ARNT: variants seen among roughly 807,000 people sequenced by gnomAD.
ARNT encodes class E basic helix-loop-helix protein 2.
In ARNT, 30 loss-of-function variants were observed where a neutral mutation model predicts 105.0. The ratio of observed to expected loss-of-function variants is 0.29; its 90% CI spans 0.21 to 0.39. ARNT has a LOEUF of 0.39. Ranked by LOEUF, ARNT falls within the 10% of genes least tolerant of loss-of-function variation. ARNT has a pLI of 1.00. For synonymous variants in ARNT, 304 were observed against 344.0 expected, an observed-to-expected ratio of 0.88 and a Z score of 1.29; for missense variants, 748 against 978.7, an observed-to-expected ratio of 0.76 and a Z score of 3.15.
rs966142714 is a variant in ARNT, at chr1:150,853,178, G to A, written c.138-372C>T. ...TGCCTGTAATCTCAGCTACTCAGGA[G>A]GCTGAGGCAGGAGAATTGCTGGAAC... is the stretch of plus-strand genomic sequence containing the variant. On this transcript the variant is annotated intron_variant, in intron 2 of 21. Coordinates refer to ENST00000358595, the MANE Select transcript of ARNT (RefSeq NM_001668.4). 3 of 309,998 alleles carry A rather than the reference G, an allele frequency of 9.7e-6. No individual in the cohort carries two copies. In the Admixed American group the frequency reaches 1.4e-4, roughly 14 times the overall value. The allele number at this position is 309,998 out of a possible 1,614,324, so 19.2% of individuals were successfully genotyped here. A position where few individuals can be genotyped will look rare whatever the true frequency, so the allele number is the denominator to read the frequency against.
intron 14 of ARNT, 27 bp from the exon 15 acceptor site, chr1:150,818,057 A>T: frequency 1.4e-6 from 2 of 1,447,092 alleles, no homozygotes; most frequent in Non-Finnish European, 1.9e-6. Context: ...GACAGTAAAG[A>T]GGGGGTGGAG....
intron 1 of ARNT, among the ~76,000 whole-genome samples, chr1:150,858,791 T>C (rs1010852341): frequency 4.0e-5 from 6 of 150,530 alleles, no homozygotes; most frequent in African/African-American, 1.5e-4. Context: ...CCAGTTAATT[T>C]TTTTTTTTTT....
chr1:150,851,272 C>T (rs587631427), intron 3 of ARNT, among the ~76,000 whole-genome samples: 1,790 of 149,932 alleles, frequency 0.012, 21 homozygotes, highest in Middle Eastern at 0.022. Context: ...GCCGCCCCGT[C>T]CGGGAGGTGG....
intron 3 of ARNT, among the ~76,000 whole-genome samples, chr1:150,847,215 G>A (rs1057449116): frequency 2.6e-5 from 4 of 152,064 alleles, no homozygotes; most frequent in Admixed American, 6.6e-5. Flanking sequence ...GGCGGATCAC[G>A]AAGTCAAGAG....
At chr1:150,824,245 A>G (rs1334471417) in intron 13 of ARNT, among the ~76,000 whole-genome samples, 7 of 151,652 alleles carry the variant, frequency 4.6e-5, no homozygotes, top group Middle Eastern at 3.2e-3. Context: ...ACCTAATACT[A>G]TTCTAGTCAA....
intron 13 of ARNT, among the ~76,000 whole-genome samples, chr1:150,825,808 A>G (rs987540364): frequency 6.6e-6 from 1 of 151,532 alleles, no homozygotes; most frequent in Non-Finnish European, 1.5e-5. Flanking sequence ...GAGATTGCAC[A>G]CTACACTCCA....
chr1:150,820,334 C>T (rs1656789730), intron 14 of ARNT, among the ~76,000 whole-genome samples: 1 of 152,182 alleles, frequency 6.6e-6, no homozygotes, highest in Non-Finnish European at 1.5e-5. Flanking sequence ...TAAACCCTTC[C>T]ATCTCAGGAC....
intron 19 of ARNT, among the ~76,000 whole-genome samples, chr1:150,815,251 T>C (rs1176757546): frequency 6.6e-6 from 1 of 152,048 alleles, no homozygotes; most frequent in Non-Finnish European, 1.5e-5. Context: ...ATATGAATAT[T>C]ATAAAAGAAT....
intron 4 of ARNT, among the ~76,000 whole-genome samples, chr1:150,845,415 A>G (rs1662015554): frequency 6.6e-6 from 1 of 151,602 alleles, no homozygotes; most frequent in South Asian, 2.1e-4. Flanking sequence ...AGCCTGGCCA[A>G]CATGGTGAAA....
At chr1:150,869,053 G>A (rs1174978106) in intron 1 of ARNT, among the ~76,000 whole-genome samples, 1 of 151,868 alleles carries the variant, frequency 6.6e-6, no homozygotes, top group Non-Finnish European at 1.5e-5. Context: ...CTTGAGCCTA[G>A]GAATTGGAGG....
At chr1:150,831,377 A>C (rs974018075) in intron 10 of ARNT, 2 of 153,260 alleles carry the variant, frequency 1.3e-5, no homozygotes, top group African/African-American at 4.8e-5. Flanking sequence ...TGGTAAAGCT[A>C]ATCTGCTCAA....
At chr1:150,864,635 A>T (rs1416022420) in intron 1 of ARNT, among the ~76,000 whole-genome samples, 4 of 110,878 alleles carry the variant, frequency 3.6e-5, no homozygotes, top group Non-Finnish European at 5.5e-5. Flanking sequence ...GGGGGGAGGG[A>T]TAGCATTGGG....
chr1:150,834,617 C>T lies in ARNT; in HGVS notation c.724G>A (p.Gly242Arg), dbSNP rs776342524. Residue 242 changes from glycine to arginine, a missense_variant, in exon 8 of 22, where the codon GGA (glycine) becomes AGA (arginine). Physicochemically the swap from Gly to Arg is moderately radical, Grantham distance 125. Coordinates refer to ENST00000358595, the MANE Select transcript of ARNT (RefSeq NM_001668.4). The part of the protein sequence containing the change: ...LTGRILDLKT[G>R]TVKKEGQQSS... ...TGCTGACCTTCCTTTTTCACTGTTCCAGTCTTTAGATCCAGGATACGCCCT... is the reference window on the plus strand; with the variant it reads ...TGCTGACCTTCCTTTTTCACTGTTCTAGTCTTTAGATCCAGGATACGCCCT... 2 of 1,613,952 alleles carry T rather than the reference C, an allele frequency of 1.2e-6. No homozygotes were observed. The highest frequency in any genetic ancestry group is 1.7e-6 in the Non-Finnish European group (2 of 1,179,916).
chr1:150,860,635 C>T (rs1665464793), intron 1 of ARNT, among the ~76,000 whole-genome samples: 1 of 151,930 alleles, frequency 6.6e-6, no homozygotes, highest in Admixed American at 6.6e-5. Flanking sequence ...GCGGGCATAT[C>T]ACCTGAGGTC....
At chr1:150,869,736 G>A (rs1025413434) in intron 1 of ARNT, among the ~76,000 whole-genome samples, 1 of 151,620 alleles carries the variant, frequency 6.6e-6, no homozygotes, top group Non-Finnish European at 1.5e-5. Context: ...ATATTTTTGT[G>A]GAGACAAGGT....
At chr1:150,830,944 C>T (rs1397361427) in intron 10 of ARNT, among the ~76,000 whole-genome samples, 2 of 152,104 alleles carry the variant, frequency 1.3e-5, no homozygotes, top group African/African-American at 4.8e-5. Context: ...TTTTAAATTA[C>T]ATTAATTACT....
intron 3 of ARNT, among the ~76,000 whole-genome samples, chr1:150,851,564 C>G (rs1221803900): frequency 1.3e-5 from 2 of 152,392 alleles, no homozygotes; most frequent in Admixed American, 1.3e-4. Flanking sequence ...TTACCCCCAA[C>G]CCAGTGCTCT....
intron 11 of ARNT, chr1:150,829,520 G>A (rs1431441873): frequency 5.0e-6 from 3 of 598,098 alleles, no homozygotes; most frequent in African/African-American, 1.8e-5. Context: ...GGTTGATATG[G>A]TACAAGTAAC....
chr1:150,828,493 A>G (rs1233922377), intron 12 of ARNT, among the ~76,000 whole-genome samples: 2 of 152,226 alleles, frequency 1.3e-5, no homozygotes, highest in South Asian at 2.1e-4. Flanking sequence ...ATTGATCTAT[A>G]TATCTATCCT....
Sources: gnomAD v4.1 joint callset for allele counts (sites outside exome capture counted in the v4.1 genomes callset) on GRCh38, gnomAD v4.1.1 for gene constraint, MANE v1.5 for transcripts, NCBI Gene and HGNC (gene_info 2026-07-23, HGNC 2026-07-21) for gene names.